The following EFNA5 variants were observed in gnomAD, a reference collection of about 807,000 sequenced individuals.
EFNA5 encodes ephrin A5.
A neutral mutation model predicts 22.9 loss-of-function variants in EFNA5; 5 were observed. That is an observed-to-expected ratio of 0.22 (90% CI 0.11 to 0.46). The LOEUF (loss-of-function observed/expected upper bound fraction) is 0.46. EFNA5 is among the 20% of genes least tolerant of loss of function. The pLI, the probability that EFNA5 is intolerant of heterozygous loss-of-function variation, is 0.99. For synonymous variants in EFNA5, 113 were observed against 112.2 expected (o/e 1.01, Z -0.04); for missense variants, 237 against 293.3 (o/e 0.81, Z 1.40).
intron 1 of EFNA5, among the ~76,000 whole-genome samples, chr5:107,428,273 C>G (rs1307750570): frequency 1.3e-5 from 2 of 152,166 alleles, no homozygotes; most frequent in Non-Finnish European, 2.9e-5. Flanking sequence ...AATCAAATGG[C>G]TCTTCCCCTC....
intron 2 of EFNA5, among the ~76,000 whole-genome samples, chr5:107,390,749 T>A (rs1044727428): frequency 6.6e-6 from 1 of 151,984 alleles, no homozygotes; most frequent in South Asian, 2.1e-4. Flanking sequence ...ATATATAACT[T>A]CTTGTGCTGC....
intron 2 of EFNA5, among the ~76,000 whole-genome samples, chr5:107,410,091 C>T (rs1380397325): frequency 1.4e-5 from 2 of 139,820 alleles, no homozygotes; most frequent in African/African-American, 2.7e-5. Flanking sequence ...TGCAGCGGCG[C>T]GATCTCGGTT....
intron 1 of EFNA5, among the ~76,000 whole-genome samples, chr5:107,663,694 G>A (rs940749830): frequency 6.6e-6 from 1 of 152,048 alleles, no homozygotes; most frequent in African/African-American, 2.4e-5. Context: ...ACTGTTAGAC[G>A]ATCTCTCCTT....
intron 1 of EFNA5, among the ~76,000 whole-genome samples, chr5:107,529,262 G>C (rs1257556124): frequency 6.6e-6 from 1 of 152,114 alleles, no homozygotes; most frequent in Non-Finnish European, 1.5e-5. Context: ...TCAAATCATT[G>C]AGTCCAGTGT....
chr5:107,385,845 T>A (rs1490775971), intron 4 of EFNA5, among the ~76,000 whole-genome samples: 1 of 152,238 alleles, frequency 6.6e-6, no homozygotes, highest in South Asian at 2.1e-4. Context: ...TCCTTAAAAC[T>A]TTCTAAAGCA....
chr5:107,586,197 C>G (rs574581222), intron 1 of EFNA5, among the ~76,000 whole-genome samples: 198 of 152,116 alleles, frequency 1.3e-3, no homozygotes, highest in African/African-American at 4.6e-3. Context: ...AAGAATAAAG[C>G]CTGCCTAAGT....
intron 1 of EFNA5, among the ~76,000 whole-genome samples, chr5:107,650,459 A>G (rs1356018717): frequency 6.6e-6 from 1 of 152,182 alleles, no homozygotes; most frequent in Non-Finnish European, 1.5e-5. Context: ...AAGGAAGGGA[A>G]ACTAAGATGA....
chr5:107,550,238 T>C (rs1748259359), intron 1 of EFNA5, among the ~76,000 whole-genome samples: 2 of 152,236 alleles, frequency 1.3e-5, no homozygotes, highest in Non-Finnish European at 2.9e-5. Context: ...TATTCTGAGA[T>C]GTCAAATGTC....
chr5:107,484,535 T>C (rs1746531415), intron 1 of EFNA5, among the ~76,000 whole-genome samples: 2 of 152,234 alleles, frequency 1.3e-5, no homozygotes, highest in Admixed American at 6.5e-5. Context: ...AGATGGTCTC[T>C]TGAGAATTCT....
At chr5:107,653,793 T>C (rs1237073113) in intron 1 of EFNA5, among the ~76,000 whole-genome samples, 1 of 150,632 alleles carries the variant, frequency 6.6e-6, no homozygotes, top group Non-Finnish European at 1.5e-5. Context: ...TAAAACTCCA[T>C]ATTCAGGCTG....
intron 1 of EFNA5, among the ~76,000 whole-genome samples, chr5:107,596,353 T>G (rs959824854): frequency 1.3e-5 from 2 of 152,202 alleles, no homozygotes; most frequent in African/African-American, 4.8e-5. Flanking sequence ...ATACCTCATA[T>G]AAGTAGAATC....
At chr5:107,562,416 A>C (rs1256019484) in intron 1 of EFNA5, among the ~76,000 whole-genome samples, 3 of 151,988 alleles carry the variant, frequency 2.0e-5, no homozygotes, top group Non-Finnish European at 4.4e-5. Flanking sequence ...TATTTTTTCT[A>C]AATCAGCATT....
At chr5:107,476,057 T>TATATATACATATATATATA in intron 1 of EFNA5, among the ~76,000 whole-genome samples, 1 of 100,436 alleles carries the variant, frequency 1.0e-5, no homozygotes, top group African/African-American at 5.0e-5. Context: ...TATATATATA[T>TATATATACATATATATATA]TTTTTTTTTT....
intron 1 of EFNA5, among the ~76,000 whole-genome samples, chr5:107,566,931 T>C (rs1748677355): frequency 6.6e-6 from 1 of 152,238 alleles, no homozygotes; most frequent in Non-Finnish European, 1.5e-5. Flanking sequence ...GGAACCATGA[T>C]AGCAAAAATT....
At chr5:107,476,278 C>G (rs1750307194) in intron 1 of EFNA5, among the ~76,000 whole-genome samples, 1 of 151,218 alleles carries the variant, frequency 6.6e-6, no homozygotes, top group South Asian at 2.1e-4. Context: ...GTCTTGAACT[C>G]CTGACCTCAG....
intron 1 of EFNA5, among the ~76,000 whole-genome samples, chr5:107,492,506 G>A (rs976883410): frequency 6.6e-6 from 1 of 152,102 alleles, no homozygotes; most frequent in Admixed American, 6.6e-5. Flanking sequence ...AGCATTTCAA[G>A]TAAATACACA....
chr5:107,509,485 ATTTTT>A (rs35228224), intron 1 of EFNA5, among the ~76,000 whole-genome samples: 1 of 125,242 alleles, frequency 8.0e-6, no homozygotes, highest in African/African-American at 3.1e-5. Flanking sequence ...TGCTTGGCTA[ATTTTT>A]TTTTTTTTTT....
At chr5:107,396,162 C>A (rs915515357) in intron 2 of EFNA5, among the ~76,000 whole-genome samples, 2 of 152,150 alleles carry the variant, frequency 1.3e-5, no homozygotes, top group East Asian at 1.9e-4. Flanking sequence ...CCTTTCAAAA[C>A]CCCTTTCATT....
chr5:107,426,397 C>T (rs1405303876), intron 2 of EFNA5, among the ~76,000 whole-genome samples: 1 of 152,218 alleles, frequency 6.6e-6, no homozygotes, highest in East Asian at 1.9e-4. Flanking sequence ...GAGCTTCATA[C>T]ATCCAGAATT....
Sources: gnomAD v4.1 joint callset for allele counts (sites outside exome capture counted in the v4.1 genomes callset) on GRCh38, gnomAD v4.1.1 for gene constraint, MANE v1.5 for transcripts, NCBI Gene and HGNC (gene_info 2026-07-23, HGNC 2026-07-21) for gene names.